PTPRK: variants seen among roughly 807,000 people sequenced by gnomAD.
PTPRK encodes protein tyrosine phosphatase receptor type K.
A neutral mutation model predicts 178.0 loss-of-function variants in PTPRK; 75 were observed. The ratio of observed to expected loss-of-function variants is 0.42; its 90% confidence interval spans 0.35 to 0.51. The LOEUF (loss-of-function observed/expected upper bound fraction) is 0.51, where lower values mean the gene tolerates loss of function less well. PTPRK is among the 20% of genes least tolerant of loss of function. PTPRK has a pLI of 0.02. For missense variants in PTPRK, 1,441 were observed against 1,797.8 expected (o/e 0.80, Z 3.59); for synonymous variants, 637 against 620.6 (o/e 1.03, Z -0.39).
intron 13 of PTPRK, among the ~76,000 whole-genome samples, chr6:128,041,787 TAC>T (rs1326103282): frequency 1.3e-5 from 2 of 151,660 alleles, no homozygotes; most frequent in African/African-American, 2.4e-5. Context: ...TGTGTAGATA[TAC>T]AGTTTTATAT....
chr6:128,452,586 T>C (rs1847926272), intron 1 of PTPRK, among the ~76,000 whole-genome samples: 1 of 152,088 alleles, frequency 6.6e-6, no homozygotes, highest in South Asian at 2.1e-4. Flanking sequence ...TTTTACTGAG[T>C]GCTCATTTCC....
chr6:128,461,200 C>G (rs369773255), intron 1 of PTPRK, among the ~76,000 whole-genome samples: 1 of 151,772 alleles, frequency 6.6e-6, no homozygotes, highest in African/African-American at 2.4e-5. Flanking sequence ...GTATAACCAC[C>G]TTGTGAAAAA....
chr6:128,349,165 T>C (rs1270108541), intron 2 of PTPRK, among the ~76,000 whole-genome samples: 1 of 152,118 alleles, frequency 6.6e-6, no homozygotes, highest in East Asian at 1.9e-4. Context: ...AACACTTCAC[T>C]GTCAACCTAG....
chr6:128,311,701 T>C (rs1398869297), intron 3 of PTPRK, among the ~76,000 whole-genome samples: 1 of 152,166 alleles, frequency 6.6e-6, no homozygotes, highest in Non-Finnish European at 1.5e-5. Context: ...GGTCTTGCTA[T>C]GTTGCTCAGG....
chr6:128,177,081 A>T (rs985211847), intron 7 of PTPRK, among the ~76,000 whole-genome samples: 7 of 151,800 alleles, frequency 4.6e-5, no homozygotes, highest in African/African-American at 1.7e-4. Context: ...ATCAAGAGCA[A>T]GTCTATACCT....
intron 1 of PTPRK, among the ~76,000 whole-genome samples, chr6:128,463,199 G>C (rs1342499418): frequency 6.6e-6 from 1 of 152,174 alleles, no homozygotes; most frequent in African/African-American, 2.4e-5. Context: ...TGCAGATAAA[G>C]TGTGGAAGAA....
intron 15 of PTPRK, chr6:128,003,201 C>T: frequency 6.2e-7 from 1 of 1,603,996 alleles, no homozygotes; most frequent in Non-Finnish European, 8.5e-7. Flanking sequence ...CCTCACCTAA[C>T]ACAGCAGTCG....
chr6:128,506,564 G>A, intron 1 of PTPRK, among the ~76,000 whole-genome samples: 1 of 150,702 alleles, frequency 6.6e-6, no homozygotes, highest in East Asian at 1.9e-4. Flanking sequence ...GAAGGCTGAG[G>A]CAGGAGTTTT....
chr6:128,274,877 T>G (rs1354529864), intron 3 of PTPRK, among the ~76,000 whole-genome samples: 1 of 152,000 alleles, frequency 6.6e-6, no homozygotes, highest in Non-Finnish European at 1.5e-5. Context: ...ACAATATAAA[T>G]TAAAATGGCC....
chr6:128,355,569 C>T (rs1833838878), intron 2 of PTPRK, among the ~76,000 whole-genome samples: 1 of 151,966 alleles, frequency 6.6e-6, no homozygotes, highest in African/African-American at 2.4e-5. Flanking sequence ...TGTAAAAATT[C>T]TAAAAACTGG....
chr6:128,099,677 T>C (rs1788471556), intron 7 of PTPRK, among the ~76,000 whole-genome samples: 1 of 152,124 alleles, frequency 6.6e-6, no homozygotes, highest in Non-Finnish European at 1.5e-5. Flanking sequence ...CATTTGATTT[T>C]ATAAAATGTA....
Position 128,397,580 on chromosome 6 carries a change from G to A in PTPRK, c.209C>T (p.Pro70Leu). ...VSAQEPHYLP[P>L]EMPQGSYMIV... Reference sequence around the variant, plus strand: ...GTGACTCTCACCTTGGGGCATCTCGGGTGGTAGATAATGAGGCTCTTGAGC... The same window carrying A: ...GTGACTCTCACCTTGGGGCATCTCGAGTGGTAGATAATGAGGCTCTTGAGC... The change falls in exon 2 of 30, where the codon CCC becomes CTC. Residue 70 changes from proline to leucine, a missense_variant. Physicochemically the swap from Pro to Leu is moderately conservative, Grantham distance 98 (BLOSUM62 -3). Transcript: ENST00000368226. 6.2e-7 allele frequency: 1 copy of A among 1,613,824 alleles called. No homozygotes were observed. The highest frequency in any genetic ancestry group is 8.5e-7 in the Non-Finnish European group (1 of 1,179,912).
intron 7 of PTPRK, among the ~76,000 whole-genome samples, chr6:128,104,924 A>G (rs1789430679): frequency 6.6e-6 from 1 of 152,184 alleles, no homozygotes; most frequent in South Asian, 2.1e-4. Context: ...AAAGGTGAAA[A>G]GTCTTGGACA....
chr6:128,236,090 T>C (rs918619600), intron 5 of PTPRK, among the ~76,000 whole-genome samples: 6 of 152,226 alleles, frequency 3.9e-5, no homozygotes, highest in Admixed American at 1.3e-4. Context: ...TTTGGTACTA[T>C]GTGTGGTTTC....
chr6:128,100,599 T>C (rs1401804284), intron 7 of PTPRK, among the ~76,000 whole-genome samples: 2 of 151,982 alleles, frequency 1.3e-5, no homozygotes, highest in Non-Finnish European at 2.9e-5. Context: ...TTTTTGAACA[T>C]TAGTTGATCT....
At chr6:128,302,446 G>A (rs150631774) in intron 3 of PTPRK, among the ~76,000 whole-genome samples, 89 of 147,734 alleles carry the variant, frequency 6.0e-4, no homozygotes, top group Non-Finnish European at 8.8e-4. Flanking sequence ...TATCATGTGC[G>A]TCAGAACTAT....
intron 7 of PTPRK, among the ~76,000 whole-genome samples, chr6:128,139,662 C>T (rs558009861): frequency 3.4e-4 from 51 of 152,076 alleles, no homozygotes; most frequent in African/African-American, 1.2e-3. Context: ...TCTGAATGTA[C>T]AAACATATCT....
chr6:128,444,589 TTTTC>T (rs1846699487), intron 1 of PTPRK, among the ~76,000 whole-genome samples: 2 of 152,180 alleles, frequency 1.3e-5, no homozygotes, highest in Admixed American at 6.5e-5. Context: ...GCAGCTCTGG[TTTTC>T]TTTAACAGGC....
chr6:128,503,462 T>A (rs949985798), intron 1 of PTPRK, among the ~76,000 whole-genome samples: 1 of 152,174 alleles, frequency 6.6e-6, no homozygotes, highest in Admixed American at 6.5e-5. Context: ...ATCTTACTTA[T>A]TTCTAGATCT....
Sources: allele counts gnomAD v4.1 joint callset (sites outside exome capture counted in the v4.1 genomes callset), GRCh38; gene constraint gnomAD v4.1.1; transcripts MANE v1.5; gene names NCBI Gene and HGNC (gene_info 2026-07-23, HGNC 2026-07-21).